ATP1B4: variants seen among roughly 807,000 people sequenced by gnomAD.
ATP1B4 encodes protein ATP1B4.
Under a neutral mutation model 29.6 loss-of-function variants are expected in ATP1B4, and 32 were observed. That is an observed-to-expected ratio of 1.08 (90% CI 0.82 to 1.45). The LOEUF (loss-of-function observed/expected upper bound fraction) is 1.45. Among genes scored for constraint, ATP1B4 ranks in the 40% most tolerant of loss-of-function variants. ATP1B4 has a pLI of 0.00. For missense variants in ATP1B4, 323 were observed against 276.2 expected (o/e 1.17, Z -1.20); for synonymous variants, 127 against 102.1 (o/e 1.24, Z -1.47).
At chrX:120,376,760 G>C (rs1283911982) in intron 6 of ATP1B4, among the ~76,000 whole-genome samples, 2 of 112,281 alleles carry the variant, frequency 1.8e-5, no homozygotes, top group Admixed American at 9.5e-5. Flanking sequence ...TTGAGATTCT[G>C]TTTACACTTT....
chrX:120,376,601 G>C (rs3213724), intron 6 of ATP1B4, among the ~76,000 whole-genome samples, 165 bp downstream of exon 6: 24,560 of 110,978 alleles, frequency 0.22, 2,324 homozygotes, highest in Middle Eastern at 0.3. Context: ...TTTCCAGAAA[G>C]CATTCAATTC....
chrX:120,366,375 C>A, intron 1 of ATP1B4, 150 bp from the exon 2 acceptor site: 1 of 639,007 alleles, frequency 1.6e-6, no homozygotes, highest in Non-Finnish European at 2.3e-6. Flanking sequence ...GAAAGAAAAT[C>A]CACCTCTTGT....
intron 2 of ATP1B4, among the ~76,000 whole-genome samples, chrX:120,369,378 C>T (rs2058301692): frequency 8.9e-6 from 1 of 112,381 alleles, no homozygotes; most frequent in African/African-American, 3.2e-5. Flanking sequence ...CATTTCCAGT[C>T]GGATTACTAT....
At chrX:120,374,443 C>A (rs1464988335) in intron 4 of ATP1B4, among the ~76,000 whole-genome samples, 1 of 99,630 alleles carries the variant, frequency 1.0e-5, no homozygotes, top group East Asian at 3.1e-4. Context: ...CAGGATATAC[C>A]ATATATATAC....
chrX:120,362,178 C>T lies in ATP1B4; in HGVS notation c.10C>T (p.Gln4Ter). Residue 4 changes from glutamine (Q) to a stop codon, truncating the protein, a stop_gained, in exon 1 of 8, where the codon CAA becomes TAA. Transcript: ENST00000218008. LOFTEE classifies it high-confidence loss of function. ...TGCCCACTGAACAGCCATGAGAAGG[C>T]AACTCCGGTCCAGAAGGGCTCCATC... MRR[Q>*]LRSRRAPSFP... is the part of the protein sequence containing the mutation. The T allele has an allele frequency of 8.3e-7, 1 of 1,211,000 alleles. No individual in the cohort carries two copies. Among genetic ancestry groups the T allele is most frequent in the South Asian group, 1.8e-5 (1 of 56,977 alleles).
intron 4 of ATP1B4, among the ~76,000 whole-genome samples, chrX:120,372,225 C>T (rs2058317046): frequency 9.2e-6 from 1 of 108,894 alleles, no homozygotes; most frequent in Admixed American, 9.8e-5. Context: ...GTGGGGTTTG[C>T]ATTTCTGCAC....
chrX:120,379,276 C>T (rs1356370726), intron 7 of ATP1B4, among the ~76,000 whole-genome samples, 197 bp from the exon 8 acceptor site: 1 of 111,714 alleles, frequency 9.0e-6, no homozygotes, highest in African/African-American at 3.3e-5. Flanking sequence ...CTGACAGTGA[C>T]TTGTTAGAGA....
At chrX:120,374,537 A>AAT (rs1381095429) in intron 4 of ATP1B4, among the ~76,000 whole-genome samples, 1 of 69,166 alleles carries the variant, frequency 1.4e-5, no homozygotes, top group Non-Finnish European at 2.6e-5. Flanking sequence ...CCTTATATAT[A>AAT]ATATATATAT....
intron 2 of ATP1B4, among the ~76,000 whole-genome samples, chrX:120,367,101 C>A (rs56033431): frequency 0.39 from 43,214 of 111,002 alleles, 6,789 homozygotes; most frequent in Middle Eastern, 0.55. Flanking sequence ...CACTTTCTAT[C>A]CACGTGACCG....
intron 1 of ATP1B4, among the ~76,000 whole-genome samples, chrX:120,363,688 T>C (rs2058273161): frequency 8.9e-6 from 1 of 111,792 alleles, no homozygotes; most frequent in South Asian, 3.7e-4. Context: ...AAAATGGAGC[T>C]ACCCTCTGTT....
At chrX:120,378,929 A>G (rs1309514045) in intron 7 of ATP1B4, among the ~76,000 whole-genome samples, 156 bp downstream of exon 7, 1 of 110,883 alleles carries the variant, frequency 9.0e-6, no homozygotes. Flanking sequence ...TCTTATCACA[A>G]CCACACTCCT....
intron 1 of ATP1B4, 41 bp from the exon 2 acceptor site, chrX:120,366,483 AT>A (rs751460864): frequency 3.4e-6 from 4 of 1,169,789 alleles, no homozygotes; most frequent in Non-Finnish European, 3.4e-6. Context: ...ACCATTGTAC[AT>A]TTTTTTTCAA....
intron 1 of ATP1B4, among the ~76,000 whole-genome samples, chrX:120,362,469 G>A (rs764849668): frequency 1.6e-3 from 174 of 111,882 alleles, no homozygotes; most frequent in Non-Finnish European, 2.8e-3. Context: ...GATAAGGGAA[G>A]GAGAAGATAA....
At chrX:120,364,508 C>G (rs35769930) in intron 1 of ATP1B4, among the ~76,000 whole-genome samples, 12,247 of 110,993 alleles carry the variant, frequency 0.11, 620 homozygotes, top group Non-Finnish European at 0.16. Context: ...GGAGGGCCAT[C>G]GAGAGGCTAG....
intron 2 of ATP1B4, among the ~76,000 whole-genome samples, chrX:120,368,299 T>C (rs2058295977): frequency 9.0e-6 from 1 of 111,680 alleles, no homozygotes. Flanking sequence ...TGAATGGTAA[T>C]GTTAATGCTT....
At chrX:120,367,053 T>C (rs192315216) in intron 2 of ATP1B4, among the ~76,000 whole-genome samples, 1 of 111,686 alleles carries the variant, frequency 9.0e-6, no homozygotes, top group African/African-American at 3.3e-5. Flanking sequence ...TGAGAATGAG[T>C]TGAAAAAGCA....
intron 2 of ATP1B4, 44 bp downstream of exon 2, chrX:120,366,833 T>C (rs2058289032): frequency 7.6e-6 from 9 of 1,186,125 alleles, no homozygotes; most frequent in Non-Finnish European, 9.1e-6. Context: ...TGTCCTTTGC[T>C]TTTGGTGTGG....
chrX:120,381,987 G>A lies in ATP1B4; in HGVS notation c.*2353G>A, dbSNP rs1487713789. On this transcript the variant is annotated 3_prime_UTR_variant, in exon 8 of 8. Coordinates refer to ENST00000218008, the MANE Select transcript of ATP1B4 (RefSeq NM_001142447.3). ...CATGATTTTCTATTGGTCAGACATT[G>A]ATGTGGAGATGTAAACACATGTAGG... The A allele has an allele frequency of 8.9e-6, 1 of 111,980 alleles. No homozygotes were observed. Among genetic ancestry groups the A allele is most frequent in the Non-Finnish European group, 1.9e-5 (1 of 53,229 alleles). The allele number at this position is 111,980 out of a possible 1,213,427, so 9.2% of individuals were successfully genotyped here. A position where few individuals can be genotyped will look rare whatever the true frequency, so the allele number is the denominator to read the frequency against.
intron 2 of ATP1B4, 149 bp downstream of exon 2, chrX:120,366,938 G>C: frequency 2.0e-6 from 2 of 989,514 alleles, no homozygotes; most frequent in Non-Finnish European, 2.6e-6. Flanking sequence ...GAAATGCCTA[G>C]ACTGTGGACA....
Sources: allele counts gnomAD v4.1 joint callset (sites outside exome capture counted in the v4.1 genomes callset), GRCh38; gene constraint gnomAD v4.1.1; transcripts MANE v1.5; gene names NCBI Gene and HGNC (gene_info 2026-07-23, HGNC 2026-07-21).